The following CAMKMT variants were observed in gnomAD, a reference collection of about 807,000 sequenced individuals.
The protein encoded by CAMKMT is CaM KMT.
CAMKMT carries 53 observed loss-of-function variants against 48.0 expected under a neutral mutation model. The observed-to-expected ratio is 1.10, with a 90% CI of 0.89 to 1.39. The LOEUF (loss-of-function observed/expected upper bound fraction) is 1.39, where lower values mean the gene tolerates loss of function less well. Among genes scored for constraint, CAMKMT ranks in the 40% most tolerant of loss-of-function variants. The pLI is 0.00. For synonymous variants in CAMKMT, 165 were observed against 152.3 expected (o/e 1.08, Z -0.61); for missense variants, 428 against 402.7 (o/e 1.06, Z -0.54).
intron 3 of CAMKMT, among the ~76,000 whole-genome samples, chr2:44,650,107 C>A (rs1278762045): frequency 6.6e-6 from 1 of 152,170 alleles, no homozygotes; most frequent in African/African-American, 2.4e-5. Flanking sequence ...CCTAAAACAA[C>A]AAAATTATTC....
intron 3 of CAMKMT, among the ~76,000 whole-genome samples, chr2:44,422,372 G>T (rs936977648): frequency 6.6e-6 from 1 of 152,158 alleles, no homozygotes; most frequent in Non-Finnish European, 1.5e-5. Flanking sequence ...GCACATTAAT[G>T]TTGACTAACT....
chr2:44,597,622 A>G (rs1572887744), intron 3 of CAMKMT, among the ~76,000 whole-genome samples: 2 of 152,172 alleles, frequency 1.3e-5, no homozygotes, highest in Non-Finnish European at 2.9e-5. Flanking sequence ...ATAATGTTAC[A>G]AGTGTGTTAA....
At chr2:44,659,880 C>T (rs1674585752) in intron 3 of CAMKMT, among the ~76,000 whole-genome samples, 1 of 152,238 alleles carries the variant, frequency 6.6e-6, no homozygotes, top group South Asian at 2.1e-4. Context: ...TGCTGTCTCT[C>T]ATCATATTAT....
chr2:44,483,263 A>G (rs993306904), intron 3 of CAMKMT, among the ~76,000 whole-genome samples: 3 of 152,000 alleles, frequency 2.0e-5, no homozygotes, highest in Non-Finnish European at 4.4e-5. Flanking sequence ...CATTTAACTC[A>G]TTTTTTTCTT....
chr2:44,543,304 G>A (rs564911187), intron 3 of CAMKMT, among the ~76,000 whole-genome samples: 7 of 152,246 alleles, frequency 4.6e-5, no homozygotes, highest in South Asian at 2.1e-4. Flanking sequence ...GATTTCTGCC[G>A]TGTAAGTGTA....
intron 1 of CAMKMT, among the ~76,000 whole-genome samples, chr2:44,369,234 C>T (rs917788870): frequency 9.2e-5 from 14 of 152,232 alleles, no homozygotes; most frequent in Admixed American, 9.2e-4. Flanking sequence ...TAAAGAAAAC[C>T]TTCAAAGAGA....
intron 3 of CAMKMT, among the ~76,000 whole-genome samples, chr2:44,625,687 T>C (rs1672442202): frequency 6.6e-6 from 1 of 152,206 alleles, no homozygotes. Flanking sequence ...TTATTTTTAA[T>C]ACAGTGTGAG....
chr2:44,363,628 C>T (rs946217760), intron 1 of CAMKMT, among the ~76,000 whole-genome samples: 2 of 151,782 alleles, frequency 1.3e-5, no homozygotes, highest in Non-Finnish European at 1.5e-5. Flanking sequence ...GATCCACCCA[C>T]CTCGGCTTCC....
intron 3 of CAMKMT, among the ~76,000 whole-genome samples, chr2:44,433,208 T>C (rs947967101): frequency 6.6e-6 from 1 of 152,144 alleles, no homozygotes; most frequent in Non-Finnish European, 1.5e-5. Context: ...GAAATACATA[T>C]ATATATCCTT....
intron 3 of CAMKMT, among the ~76,000 whole-genome samples, chr2:44,462,774 G>GA (rs891016767): frequency 6.6e-5 from 10 of 150,536 alleles, no homozygotes; most frequent in African/African-American, 1.5e-4. Context: ...CAGCTATTTA[G>GA]AAAAAAAAAT....
intron 3 of CAMKMT, among the ~76,000 whole-genome samples, chr2:44,684,599 T>C (rs1166356778): frequency 6.6e-6 from 1 of 152,150 alleles, no homozygotes; most frequent in African/African-American, 2.4e-5. Context: ...TGTTTGTAGA[T>C]ATCCCCAGAT....
At chr2:44,566,850 GAC>G (rs1668643213) in intron 3 of CAMKMT, among the ~76,000 whole-genome samples, 1 of 152,186 alleles carries the variant, frequency 6.6e-6, no homozygotes, top group Non-Finnish European at 1.5e-5. Flanking sequence ...CATTTCAGTT[GAC>G]ACAGTCTCTT....
intron 3 of CAMKMT, among the ~76,000 whole-genome samples, chr2:44,551,775 T>C (rs1439788192): frequency 1.3e-5 from 2 of 152,154 alleles, no homozygotes; most frequent in African/African-American, 4.8e-5. Flanking sequence ...TACTAAGTGC[T>C]TTTGTACATG....
intron 3 of CAMKMT, among the ~76,000 whole-genome samples, chr2:44,428,202 G>A (rs1684405892): frequency 6.6e-6 from 1 of 152,150 alleles, no homozygotes; most frequent in Non-Finnish European, 1.5e-5. Context: ...TGGTGAATGC[G>A]GAGATTTCAT....
chr2:44,381,095 G>A (rs1188245006), intron 2 of CAMKMT, among the ~76,000 whole-genome samples: 1 of 152,146 alleles, frequency 6.6e-6, no homozygotes, highest in Non-Finnish European at 1.5e-5. Context: ...GGGAGACAGA[G>A]GTTGCAGTGA....
At chr2:44,445,242 C>T (rs1666911136) in intron 3 of CAMKMT, among the ~76,000 whole-genome samples, 1 of 152,128 alleles carries the variant, frequency 6.6e-6, no homozygotes, top group African/African-American at 2.4e-5. Context: ...TGCTTTGGCA[C>T]CCATGAGTGG....
At chr2:44,489,243 A>ATTT (rs11389463) in intron 3 of CAMKMT, among the ~76,000 whole-genome samples, 12 of 107,728 alleles carry the variant, frequency 1.1e-4, no homozygotes, top group African/African-American at 2.4e-4. Flanking sequence ...ATGGAATACT[A>ATTT]TTTTTTTTTT....
intron 3 of CAMKMT, among the ~76,000 whole-genome samples, chr2:44,578,672 G>T (rs1669373732): frequency 6.6e-6 from 1 of 152,132 alleles, no homozygotes; most frequent in Admixed American, 6.6e-5. Context: ...ATGTGGTATT[G>T]GGTAATGGGA....
chr2:44,634,308 T>C (rs1673000918), intron 3 of CAMKMT, among the ~76,000 whole-genome samples: 2 of 151,866 alleles, frequency 1.3e-5, no homozygotes, highest in Admixed American at 6.6e-5. Flanking sequence ...AGTCATCCAC[T>C]TTCTGCTTGT....
Sources: allele counts gnomAD v4.1 joint callset (sites outside exome capture counted in the v4.1 genomes callset), GRCh38; gene constraint gnomAD v4.1.1; transcripts MANE v1.5; gene names NCBI Gene and HGNC (gene_info 2026-07-23, HGNC 2026-07-21).